The following REXO1 variants were observed in gnomAD, a reference collection of about 807,000 sequenced individuals.
REXO1 encodes the protein RNA exonuclease 1 homolog, also known as REX1, RNA exonuclease 1 homolog.
In REXO1, 42 loss-of-function variants were observed where a neutral mutation model predicts 102.6. That is an observed-to-expected ratio of 0.41 (90% CI 0.32 to 0.53). The LOEUF (loss-of-function observed/expected upper bound fraction) is 0.53, where lower values mean the gene tolerates loss of function less well. REXO1 is among the 20% of genes least tolerant of loss of function. The pLI is 0.27. For missense variants in REXO1, 1,819 were observed against 1,732.5 expected (o/e 1.05, Z -0.89); for synonymous variants, 908 against 779.1 (o/e 1.17, Z -2.76).
Position 1,815,602 on chromosome 19 carries a change from T to G in REXO1, c.*464A>C. On this transcript the variant is annotated 3_prime_UTR_variant, in exon 16 of 16. Coordinates refer to ENST00000170168, the MANE Select transcript of REXO1 (RefSeq NM_020695.4). This position sits in a 1 kb window ranked among gnomAD's most constrained non-coding sequence, Gnocchi z 4.0. ...AAGGCAGCAGGCCCGCTCTTCCCGG[T>G]GGGAAAGATGCTGTGCAAGTCATCA... The G allele has an allele frequency of 8.5e-5, 76 of 899,154 alleles. No homozygotes were observed. Among genetic ancestry groups the G allele is most frequent in the Non-Finnish European group, 1.0e-4 (70 of 695,348 alleles). The allele number at this position is 899,154 out of a possible 1,614,324, so 55.7% of individuals were successfully genotyped here.
chr19:1,816,673 A>G, intron 13 of REXO1, 25 bp downstream of exon 13: 1 of 1,607,792 alleles, frequency 6.2e-7, no homozygotes, highest in African/African-American at 1.3e-5. Context: ...GAGGGCTCCC[A>G]GCTCGTGGAG....
chr19:1,828,549 C>A lies in REXO1; in HGVS notation c.240G>T (p.Glu80Asp). The A allele has an allele frequency of 6.2e-7, 1 of 1,604,300 alleles. No homozygotes were observed. Among genetic ancestry groups the A allele is most frequent in the Non-Finnish European group, 8.5e-7 (1 of 1,179,844 alleles). Residue 80 changes from glutamate (E) to aspartate (D), a missense_variant, in exon 2 of 16, where the codon GAG becomes GAT. Transcript: ENST00000170168. ...CCAACTCCAGCACATCCGGGCGCGGCTCCTCCCCCAGGCCCAGGGTGCCAT... is the reference window on the plus strand; with the variant it reads ...CCAACTCCAGCACATCCGGGCGCGGATCCTCCCCCAGGCCCAGGGTGCCAT... The part of the protein sequence containing the change: ...RENGTLGLGE[E>D]PRPDVLELEL...
intron 1 of REXO1, among the ~76,000 whole-genome samples, chr19:1,839,172 C>T (rs2011191444): frequency 6.6e-6 from 1 of 151,354 alleles, no homozygotes; most frequent in East Asian, 2.0e-4. Flanking sequence ...AAAAGTATCA[C>T]TTGAACCCAG....
At position 1,848,474 on chromosome 19, in the gene REXO1, C is replaced by T; in HGVS notation, c.-116G>A. On this transcript the variant is annotated 5_prime_UTR_variant, in exon 1 of 16. Coordinates refer to ENST00000170168, the MANE Select transcript of REXO1 (RefSeq NM_020695.4). ...GGACCCCGCCGCCGCCATCTTGCTCCGAGGCCCCCGGAGGCCCTCGGGACG... is the reference window on the plus strand; with the variant it reads ...GGACCCCGCCGCCGCCATCTTGCTCTGAGGCCCCCGGAGGCCCTCGGGACG... The T allele has an allele frequency of 1.3e-6, 1 of 797,702 alleles. No homozygotes were observed. The highest frequency in any genetic ancestry group is 9.3e-5 in the East Asian group (1 of 10,786). The allele number at this position is 797,702 out of a possible 1,614,324, so 49.4% of individuals were successfully genotyped here.
In REXO1 at chr19:1,827,384, C is replaced by A. The variant is rs1034906985; in HGVS notation, c.1405G>T (p.Ala469Ser). 3 of 1,535,126 alleles carry A rather than the reference C, an allele frequency of 2.0e-6. No individual in the cohort carries two copies. The highest frequency in any genetic ancestry group is 2.6e-6 in the Non-Finnish European group (3 of 1,147,950). ...SPTSGDSRPA[A>S]GRGPPRPLQL... ...AGGGGGCGGGGTGGGCCTCTGCCGG[C>A]CGCCGGTCGGGAGTCCCCGCTTGTG... Residue 469 changes from alanine (A) to serine (S), a missense_variant, in exon 2 of 16, where the codon GCC becomes TCC. By Grantham distance (99) the Ala-to-Ser change is moderately conservative. Transcript: ENST00000170168.
In REXO1 at chr19:1,827,164, G is replaced by C; in HGVS notation, c.1625C>G (p.Ala542Gly). ...TGAGTCCGAGCTGAGGCTGGGGAGG[G>C]CAGAGGGCCACACGCTCGGCACCCC... ...GPGVPSVWPS[A>G]LPSLSSDSDS... The change falls in exon 2 of 16, where the codon GCC becomes GGC. Residue 542 changes from alanine to glycine, a missense_variant. By Grantham distance (60) the Ala-to-Gly change is moderately conservative (BLOSUM62 0). Transcript: ENST00000170168. 1 of 1,541,646 alleles carries C rather than the reference G, an allele frequency of 6.5e-7. No individual in the cohort carries two copies.
intron 1 of REXO1, among the ~76,000 whole-genome samples, chr19:1,843,864 G>A (rs532883605): frequency 1.3e-5 from 2 of 152,364 alleles, no homozygotes; most frequent in Admixed American, 6.5e-5. Flanking sequence ...AGCACAGGAC[G>A]CAGCCAGCGG....
Position 1,837,610 on chromosome 19 carries a change from A to T in REXO1, c.158-8979T>A, listed in dbSNP as rs554912038. ...TGCCCCACCCCCCACACCAGACTCC[A>T]CCCAGGTCTCAGAGCTTGCTGTGGA... On this transcript the variant is annotated intron_variant, in intron 1 of 15. Coordinates refer to ENST00000170168, the MANE Select transcript of REXO1 (RefSeq NM_020695.4). Among the ~76,000 whole-genome samples, 861 of 152,094 alleles carry T rather than the reference A, an allele frequency of 5.7e-3. 4 individuals are homozygous for T. Among genetic ancestry groups the T allele is most frequent in the Non-Finnish European group, 8.8e-3 (597 of 67,958 alleles).
chr19:1,848,141 G>A (rs1364528923), intron 1 of REXO1, 61 bp downstream of exon 1: 3 of 839,844 alleles, frequency 3.6e-6, no homozygotes, highest in African/African-American at 3.6e-5. Context: ...GCGGGACCGG[G>A]GTGGGGTCCA....
chr19:1,826,012 A>C lies in REXO1; in HGVS notation c.1912-69T>G. Reference sequence around the variant, plus strand: ...CCAACACCAACACACCCCAACCTCAAACTGCCCCCGGCAAGTGGGGAATGG... The same window carrying C: ...CCAACACCAACACACCCCAACCTCACACTGCCCCCGGCAAGTGGGGAATGG... On this transcript the variant is annotated intron_variant, in intron 2 of 15. Transcript: ENST00000170168. The surrounding 1 kb of genome is among the most constrained non-coding windows in gnomAD (Gnocchi z 4.3). The C allele has an allele frequency of 7.0e-6, 8 of 1,136,230 alleles. No homozygotes were observed. The highest frequency in any genetic ancestry group is 8.0e-6 in the Non-Finnish European group (6 of 752,144). The allele number at this position is 1,136,230 out of a possible 1,614,324, so 70.4% of individuals were successfully genotyped here. A position where few individuals can be genotyped will look rare whatever the true frequency, so the allele number is the denominator to read the frequency against.
At chr19:1,837,514 T>G (rs945438566) in intron 1 of REXO1, among the ~76,000 whole-genome samples, 2 of 152,204 alleles carry the variant, frequency 1.3e-5, no homozygotes, top group Non-Finnish European at 2.9e-5. Context: ...GTCCAGCCAG[T>G]GCCGGGGGCC....
intron 6 of REXO1, 75 bp downstream of exon 6, chr19:1,820,189 C>T (rs2069489785): frequency 1.3e-6 from 2 of 1,563,850 alleles, no homozygotes; most frequent in South Asian, 1.2e-5. Flanking sequence ...GGCTGAGAGG[C>T]CGGGGGATGT....
chr19:1,847,946 C>T (rs140161731), intron 1 of REXO1, among the ~76,000 whole-genome samples: 13 of 152,348 alleles, frequency 8.5e-5, no homozygotes, highest in Admixed American at 2.6e-4. Flanking sequence ...GCTCGCACTC[C>T]GCCCTCTAGA....
intron 1 of REXO1, among the ~76,000 whole-genome samples, chr19:1,838,136 A>C (rs997441541): frequency 2.0e-5 from 3 of 152,122 alleles, no homozygotes; most frequent in African/African-American, 7.2e-5. Context: ...CCTGGCCAAC[A>C]TGGGGAAACC....
At chr19:1,825,966 A>G (rs773577771) in intron 2 of REXO1, 23 bp from the exon 3 acceptor site, 19 of 1,565,230 alleles carry the variant, frequency 1.2e-5, no homozygotes, top group Admixed American at 1.7e-5. Flanking sequence ...TCCGTCCGTC[A>G]GCACAGGTCT....
At chr19:1,841,917 A>G (rs1295777570) in intron 1 of REXO1, among the ~76,000 whole-genome samples, 1 of 151,992 alleles carries the variant, frequency 6.6e-6, no homozygotes, top group Admixed American at 6.5e-5. Flanking sequence ...CCCTCTCGAA[A>G]ACACAAAAAC....
intron 1 of REXO1, among the ~76,000 whole-genome samples, chr19:1,847,846 G>A (rs1366528186): frequency 6.6e-6 from 1 of 152,164 alleles, no homozygotes; most frequent in East Asian, 1.9e-4. Context: ...GCCAATCAGG[G>A]GCAGGAGGAG....
rs1045267916 is a variant in REXO1 at position 1,815,880 on chromosome 19, G to A, written c.*186C>T. 2.0e-6 allele frequency: 3 copies of A among 1,527,444 alleles called. No individual in the cohort carries two copies. Among genetic ancestry groups the A allele is most frequent in the Non-Finnish European group, 2.6e-6 (3 of 1,141,426 alleles). The allele number at this position is 1,527,444 out of a possible 1,614,324, so 94.6% of individuals were successfully genotyped here. On this transcript the variant is annotated 3_prime_UTR_variant, in exon 16 of 16. Transcript: ENST00000170168. The surrounding 1 kb of genome is among the most constrained non-coding windows in gnomAD (Gnocchi z 4.0). ...GGCAGAGGGTGGGGACCGGCGGAGG[G>A]GTGCGGCAGGACGTGAGCGGGGGTG... is the stretch of plus-strand genomic sequence containing the variant.
intron 4 of REXO1, 78 bp from the exon 5 acceptor site, chr19:1,821,760 C>T: frequency 7.4e-7 from 1 of 1,358,144 alleles, no homozygotes; most frequent in Non-Finnish European, 1.0e-6. Flanking sequence ...GCAGCCGCGG[C>T]CGCTCAGCGC....
Sources: allele counts gnomAD v4.1 joint callset (sites outside exome capture counted in the v4.1 genomes callset), GRCh38; gene constraint gnomAD v4.1.1; non-coding constraint Gnocchi (gnomAD v3.1); transcripts MANE v1.5; gene names NCBI Gene and HGNC (gene_info 2026-07-23, HGNC 2026-07-21).